The following FAM135A variants were observed in gnomAD, a reference collection of about 807,000 sequenced individuals.
FAM135A encodes the protein protein FAM135A.
Under a neutral mutation model 146.8 loss-of-function variants are expected in FAM135A, and 79 were observed. The ratio of observed to expected loss-of-function variants is 0.54; its 90% confidence interval spans 0.45 to 0.65. The LOEUF is 0.65. Among genes scored for constraint, FAM135A ranks in the 30% least tolerant of loss-of-function variants. The pLI, the probability that FAM135A is intolerant of heterozygous loss-of-function variation, is 0.00. For synonymous variants in FAM135A, 562 were observed against 603.6 expected (o/e 0.93, Z 1.01); for missense variants, 1,623 against 1,758.2 (o/e 0.92, Z 1.38).
rs1247261191 is a variant in FAM135A at position 70,528,424 on chromosome 6, T to C, written c.3747T>C (p.His1249=). 2.5e-6 allele frequency: 4 copies of C among 1,611,290 alleles called. No individual in the cohort carries two copies. Among genetic ancestry groups the C allele is most frequent in the Non-Finnish European group, 3.4e-6 (4 of 1,179,012 alleles). ...AGGATGGTTCTGAAGATGGAGTACA[T>C]CTGATTGTCTGTGTGCACGGTTTAG... ...EEEDGSEDGV[H]LIVCVHGLDG... The change falls in exon 16 of 22, where the codon CAT becomes CAC. Residue 1249 remains histidine (H), a synonymous_variant. Transcript: ENST00000418814.
intron 19 of FAM135A, among the ~76,000 whole-genome samples, chr6:70,536,703 G>A (rs1052668702): frequency 6.6e-6 from 1 of 151,738 alleles, no homozygotes; most frequent in Non-Finnish European, 1.5e-5. Flanking sequence ...CTTATAAACA[G>A]TTTTGTCATC....
At chr6:70,499,402 T>C (rs967318989) in intron 11 of FAM135A, among the ~76,000 whole-genome samples, 27 of 152,354 alleles carry the variant, frequency 1.8e-4, no homozygotes, top group African/African-American at 5.8e-4. Flanking sequence ...GTCTCTTGAA[T>C]ACAGCACACC....
intron 5 of FAM135A, among the ~76,000 whole-genome samples, 165 bp from the exon 6 acceptor site, chr6:70,475,245 T>G (rs1373125049): frequency 2.0e-5 from 3 of 152,224 alleles, no homozygotes; most frequent in African/African-American, 7.2e-5. Flanking sequence ...TATTTTCTAA[T>G]CATAGAAATA....
At chr6:70,456,895 ATTACAG>A (rs1026761518) in intron 5 of FAM135A, among the ~76,000 whole-genome samples, 2 of 152,174 alleles carry the variant, frequency 1.3e-5, no homozygotes, top group Admixed American at 1.3e-4. Context: ...TGCTACTTGT[ATTACAG>A]TTCAGTCAGG....
chr6:70,431,723 A>G (rs781524800), intron 4 of FAM135A, among the ~76,000 whole-genome samples: 3 of 152,240 alleles, frequency 2.0e-5, no homozygotes, highest in African/African-American at 4.8e-5. Context: ...TTTTAACAAC[A>G]TGATTTTGAC....
At chr6:70,452,342 A>ATT in intron 4 of FAM135A, 150 bp from the exon 5 acceptor site, 14 of 566,520 alleles carry the variant, frequency 2.5e-5, no homozygotes, top group South Asian at 9.3e-5. Flanking sequence ...TGTAAGCCTG[A>ATT]TTTTTTTTTT....
chr6:70,502,510 A>G (rs1788786057), intron 11 of FAM135A, 126 bp from the exon 12 acceptor site: 15 of 901,320 alleles, frequency 1.7e-5, no homozygotes, highest in Non-Finnish European at 2.1e-5. Flanking sequence ...GCATGCACAT[A>G]CAAATGCACA....
intron 5 of FAM135A, among the ~76,000 whole-genome samples, chr6:70,468,403 T>C (rs77970933): frequency 0.025 from 3,835 of 152,286 alleles, 165 homozygotes; most frequent in African/African-American, 0.088. Context: ...TTATAAAAGA[T>C]AGAGGTTTCC....
chr6:70,514,032 T>C (rs1417639652), intron 12 of FAM135A, among the ~76,000 whole-genome samples: 1 of 152,076 alleles, frequency 6.6e-6, no homozygotes, highest in Non-Finnish European at 1.5e-5. Context: ...GCTGATATTC[T>C]TGGAGCTCTA....
At chr6:70,481,855 AC>A in intron 9 of FAM135A, 145 bp from the exon 10 acceptor site, 1 of 746,294 alleles carries the variant, frequency 1.3e-6, no homozygotes, top group Non-Finnish European at 2.0e-6. Context: ...TGTATAAACA[AC>A]TCTCAAATAT....
At chr6:70,479,378 G>A (rs1180173733) in intron 8 of FAM135A, among the ~76,000 whole-genome samples, 3 of 152,176 alleles carry the variant, frequency 2.0e-5, no homozygotes, top group African/African-American at 7.2e-5. Context: ...TCAGAAGCCA[G>A]GAGGATTAAC....
At chr6:70,551,023 A>T (rs1473213216) in intron 20 of FAM135A, among the ~76,000 whole-genome samples, 8 of 152,202 alleles carry the variant, frequency 5.3e-5, no homozygotes, top group Non-Finnish European at 2.9e-5. Flanking sequence ...CCTTGAGATA[A>T]TTGAAAAGAG....
chr6:70,432,531 C>G (rs938516815), intron 4 of FAM135A, among the ~76,000 whole-genome samples: 7 of 152,096 alleles, frequency 4.6e-5, no homozygotes, highest in Non-Finnish European at 8.8e-5. Context: ...CTTAACAAAA[C>G]ATTGTTAATA....
At chr6:70,505,372 T>A (rs1789525277) in intron 12 of FAM135A, among the ~76,000 whole-genome samples, 1 of 152,182 alleles carries the variant, frequency 6.6e-6, no homozygotes, top group South Asian at 2.1e-4. Context: ...TCAGTTTTCA[T>A]GTTCCTTTAC....
intron 10 of FAM135A, 66 bp from the exon 11 acceptor site, chr6:70,490,968 G>A: frequency 1.7e-6 from 2 of 1,198,504 alleles, no homozygotes; most frequent in South Asian, 1.7e-5. Flanking sequence ...TTTTTTATGG[G>A]AATTTTATTT....
chr6:70,436,753 A>G (rs1004061138), intron 4 of FAM135A, among the ~76,000 whole-genome samples: 12 of 152,252 alleles, frequency 7.9e-5, no homozygotes, highest in Non-Finnish European at 1.8e-4. Context: ...AAGGATCATT[A>G]TAATGGATCA....
intron 11 of FAM135A, among the ~76,000 whole-genome samples, chr6:70,494,281 C>T (rs1475840165): frequency 6.6e-6 from 1 of 151,566 alleles, no homozygotes; most frequent in Non-Finnish European, 1.5e-5. Context: ...TGCAATCAAA[C>T]AAGATCAGTG....
chr6:70,427,707 A>C (rs150470119), intron 3 of FAM135A, among the ~76,000 whole-genome samples: 230 of 152,318 alleles, frequency 1.5e-3, no homozygotes, highest in African/African-American at 5.1e-3. Context: ...ATTTCAGTGG[A>C]TGGAATTGTG....
At position 70,475,396 on chromosome 6, in the gene FAM135A, C is replaced by T; in HGVS notation, c.158-14C>T. Reference sequence around the variant, plus strand: ...TTACTTTTATCTGTCAATTACATATCTTATCTGTTTTAGGTATGACTTTAG... The same window carrying T: ...TTACTTTTATCTGTCAATTACATATTTTATCTGTTTTAGGTATGACTTTAG... On this transcript the variant is annotated splice_polypyrimidine_tract_variant and intron_variant, in intron 5 of 21. Coordinates refer to ENST00000418814, the MANE Select transcript of FAM135A (RefSeq NM_001162529.3). 1 of 1,549,016 alleles carries T rather than the reference C, an allele frequency of 6.5e-7. No homozygotes were observed. Among genetic ancestry groups the T allele is most frequent in the Non-Finnish European group, 8.7e-7 (1 of 1,150,510 alleles).
Sources: gnomAD v4.1 joint callset for allele counts (sites outside exome capture counted in the v4.1 genomes callset) on GRCh38, gnomAD v4.1.1 for gene constraint, MANE v1.5 for transcripts, NCBI Gene and HGNC (gene_info 2026-07-23, HGNC 2026-07-21) for gene names.